Variants in DDAH1 observed in about 807,000 individuals in gnomAD.
DDAH1 encodes dimethylarginine dimethylaminohydrolase 1.
A neutral mutation model predicts 28.8 loss-of-function variants in DDAH1; 19 were observed. The ratio of observed to expected loss-of-function variants is 0.66; its 90% CI spans 0.46 to 0.97. The LOEUF is 0.97. DDAH1 is among the 50% of genes least tolerant of loss of function. The pLI is 0.00. For missense variants in DDAH1, 326 were observed against 375.9 expected (o/e 0.87, Z 1.10); for synonymous variants, 153 against 154.4 (o/e 0.99, Z 0.07).
At chr1:85,474,403 C>T (rs1655723294) in intron 2 of DDAH1, among the ~76,000 whole-genome samples, 1 of 152,204 alleles carries the variant, frequency 6.6e-6, no homozygotes, top group African/African-American at 2.4e-5. Flanking sequence ...ATGATGTGGC[C>T]TCTGCCTACT....
At chr1:85,550,503 G>A (rs1007775429) in intron 1 of DDAH1, among the ~76,000 whole-genome samples, 1 of 152,122 alleles carries the variant, frequency 6.6e-6, no homozygotes, top group Non-Finnish European at 1.5e-5. Context: ...TCCCCTTAAA[G>A]GGGAGAATTA....
At chr1:85,570,364 T>TCACACACC (rs1659416054) in intron 1 of DDAH1, among the ~76,000 whole-genome samples, 1 of 145,468 alleles carries the variant, frequency 6.9e-6, no homozygotes, top group African/African-American at 2.6e-5. Flanking sequence ...ACACACACTG[T>TCACACACC]CACACACACA....
At chr1:85,437,246 G>C (rs1429153238) in intron 1 of DDAH1, among the ~76,000 whole-genome samples, 2 of 152,164 alleles carry the variant, frequency 1.3e-5, no homozygotes, top group East Asian at 1.9e-4. Flanking sequence ...GTGATGAAGA[G>C]AGAGGCCTGT....
At chr1:85,384,553 A>G (rs1369943059) in intron 1 of DDAH1, among the ~76,000 whole-genome samples, 1 of 152,190 alleles carries the variant, frequency 6.6e-6, no homozygotes, top group African/African-American at 2.4e-5. Flanking sequence ...CTGTCTGAAA[A>G]GCTGTTTCAT....
intron 1 of DDAH1, among the ~76,000 whole-genome samples, chr1:85,449,148 C>T (rs1654559091): frequency 6.6e-6 from 1 of 152,160 alleles, no homozygotes; most frequent in Non-Finnish European, 1.5e-5. Context: ...CTGGGCAAAA[C>T]AAAGAAGACT....
rs2100651673 is a variant in DDAH1, at chr1:85,440,555, C to G, written c.303+24188G>C. ...CCCTGACCCTATACAGGACTACTCT[C>G]AATAATTCCAGTCTTTGAAGGGGCT... On this transcript the variant is annotated intron_variant, in intron 1 of 5. Transcript: ENST00000284031. 1.3e-5 allele frequency among the ~76,000 whole-genome samples: 2 copies of G among 152,298 alleles called. 1 individual carries two copies. The highest frequency in any genetic ancestry group is 4.1e-4 in the South Asian group (2 of 4,820).
chr1:85,361,009 G>GTA (rs1649767610), intron 1 of DDAH1, among the ~76,000 whole-genome samples: 1 of 152,166 alleles, frequency 6.6e-6, no homozygotes, highest in Admixed American at 6.5e-5. Context: ...TTAAGCACAT[G>GTA]GACAAGATTT....
intron 1 of DDAH1, among the ~76,000 whole-genome samples, chr1:85,425,156 T>A (rs1051492861): frequency 6.6e-6 from 1 of 152,146 alleles, no homozygotes; most frequent in African/African-American, 2.4e-5. Flanking sequence ...GGCATTACAT[T>A]TCACACTGCA....
At chr1:85,394,286 G>A (rs1274670625) in intron 1 of DDAH1, among the ~76,000 whole-genome samples, 1 of 152,166 alleles carries the variant, frequency 6.6e-6, no homozygotes, top group Admixed American at 6.5e-5. Flanking sequence ...ATAAGGTGAG[G>A]TCACGCCTGT....
intron 2 of DDAH1, among the ~76,000 whole-genome samples, chr1:85,474,677 C>A (rs948870453): frequency 2.0e-5 from 3 of 152,194 alleles, no homozygotes; most frequent in Non-Finnish European, 4.4e-5. Flanking sequence ...ACAGGCACAT[C>A]TTGTTATTAC....
At chr1:85,354,607 A>G (rs1362783128) in intron 2 of DDAH1, among the ~76,000 whole-genome samples, 2 of 152,132 alleles carry the variant, frequency 1.3e-5, no homozygotes, top group East Asian at 3.8e-4. Context: ...TTACATATAA[A>G]TTATTACAGT....
chr1:85,456,720 G>A (rs1654896998), intron 1 of DDAH1, among the ~76,000 whole-genome samples: 1 of 152,182 alleles, frequency 6.6e-6, no homozygotes, highest in Admixed American at 6.5e-5. Flanking sequence ...TCCATTATAA[G>A]TTGAGGAGCA....
At chr1:85,438,194 TGGA>T (rs1654028986) in intron 1 of DDAH1, among the ~76,000 whole-genome samples, 1 of 152,022 alleles carries the variant, frequency 6.6e-6, no homozygotes, top group Non-Finnish European at 1.5e-5. Flanking sequence ...GGAGGGTTGG[TGGA>T]GGAGGATGAG....
intron 1 of DDAH1, chr1:85,376,946 A>G (rs982275152): frequency 2.6e-5 from 4 of 152,182 alleles, no homozygotes; most frequent in Non-Finnish European, 5.9e-5. Context: ...AGCAAAACAC[A>G]TTGTTACTTT....
Position 85,383,966 on chromosome 1 carries a change from G to T in DDAH1, c.304-25119C>A, listed in dbSNP as rs1172412736. Among the ~76,000 whole-genome samples, 8 of 152,056 alleles carry T rather than the reference G, an allele frequency of 5.3e-5. 1 individual carries two copies. The highest frequency in any genetic ancestry group is 1.9e-4 in the African/African-American group (8 of 41,382). Reference sequence around the variant, plus strand: ...AAAAAATTGTGACTCCCTTTATTGTGGTATTTGCTTTTATTGTAATAATCT... The same window carrying T: ...AAAAAATTGTGACTCCCTTTATTGTTGTATTTGCTTTTATTGTAATAATCT... On this transcript the variant is annotated intron_variant, in intron 1 of 5. Coordinates refer to ENST00000284031, the MANE Select transcript of DDAH1 (RefSeq NM_012137.4).
intron 1 of DDAH1, among the ~76,000 whole-genome samples, chr1:85,461,090 G>C (rs1216476426): frequency 6.6e-6 from 1 of 152,160 alleles, no homozygotes; most frequent in East Asian, 1.9e-4. Context: ...CTTCAGCCTA[G>C]GTGACAGAGT....
intron 1 of DDAH1, among the ~76,000 whole-genome samples, chr1:85,507,514 A>ATAAG (rs1657057363): frequency 6.7e-6 from 1 of 149,664 alleles, no homozygotes; most frequent in African/African-American, 2.5e-5. Context: ...CAATAAATAA[A>ATAAG]TAAATAAATA....
intron 1 of DDAH1, among the ~76,000 whole-genome samples, chr1:85,360,134 G>A (rs1289966714): frequency 6.6e-6 from 1 of 152,166 alleles, no homozygotes; most frequent in Non-Finnish European, 1.5e-5. Context: ...CACAAATAGA[G>A]CAGAGTTACT....
At position 85,545,271 on chromosome 1, in the gene DDAH1, T is replaced by C. The variant is rs184170238; in HGVS notation, c.-123+32713A>G. Among the ~76,000 whole-genome samples the C allele has an allele frequency of 2.4e-4, 36 of 152,284 alleles. 1 individual carries two copies. In the East Asian group the frequency reaches 6.8e-3, roughly 29 times the overall value. ...GAAGCAGCAAAGCAGAGGGTCAACATTCTTCTCCTTTAATAATTTAAAGCC... is the reference window on the plus strand; with the variant it reads ...GAAGCAGCAAAGCAGAGGGTCAACACTCTTCTCCTTTAATAATTTAAAGCC... On this transcript the variant is annotated intron_variant, in intron 1 of 6. Transcript: ENST00000426972.
Sources: allele counts gnomAD v4.1 joint callset (sites outside exome capture counted in the v4.1 genomes callset), GRCh38; gene constraint gnomAD v4.1.1; transcripts MANE v1.5; gene names NCBI Gene and HGNC (gene_info 2026-07-23, HGNC 2026-07-21).